LHFPL3: variants seen among roughly 807,000 people sequenced by gnomAD.
The protein encoded by LHFPL3 is LHFPL tetraspan subfamily member 3 protein.
In LHFPL3, 5 loss-of-function variants were observed where a neutral mutation model predicts 19.3. That is an observed-to-expected ratio of 0.26 (90% CI 0.14 to 0.54). The LOEUF (loss-of-function observed/expected upper bound fraction) is 0.54. LHFPL3 is among the 20% of genes least tolerant of loss of function. The pLI is 0.94. For synonymous variants in LHFPL3, 133 were observed against 126.2 expected (o/e 1.05, Z -0.36); for missense variants, 249 against 307.4 (o/e 0.81, Z 1.42).
In LHFPL3 at chr7:104,329,052, G is replaced by A. The variant is rs1801519422; in HGVS notation, c.273G>A (p.Arg91=). ...GCTTCTCCCGGGAGCTGACCTGCAG[G>A]GGCAGCTTCACGGACTTCTCCACGC... ...GNGFSRELTC[R]GSFTDFSTLP... is the part of the protein sequence containing the mutation. Residue 91 remains arginine (R), a synonymous_variant, in exon 1 of 3, where the codon AGG becomes AGA. Transcript: ENST00000424859. 2 of 1,614,016 alleles carry A rather than the reference G, an allele frequency of 1.2e-6. No individual in the cohort carries two copies. The highest frequency in any genetic ancestry group is 1.7e-6 in the Non-Finnish European group (2 of 1,179,900).
At chr7:104,490,310 C>T (rs748905871) in intron 1 of LHFPL3, among the ~76,000 whole-genome samples, 6 of 152,166 alleles carry the variant, frequency 3.9e-5, no homozygotes, top group Non-Finnish European at 8.8e-5. Flanking sequence ...TTTCACTCCT[C>T]TTCTACTGAG....
At chr7:104,443,076 T>C (rs1448027536) in intron 1 of LHFPL3, among the ~76,000 whole-genome samples, 1 of 152,204 alleles carries the variant, frequency 6.6e-6, no homozygotes, top group African/African-American at 2.4e-5. Flanking sequence ...CTGGTAATCA[T>C]GTCAGGACCC....
chr7:104,437,070 A>G (rs780908707), intron 1 of LHFPL3, among the ~76,000 whole-genome samples: 2 of 152,220 alleles, frequency 1.3e-5, no homozygotes, highest in Non-Finnish European at 2.9e-5. Context: ...AGTAGCTACT[A>G]TGTGCATATT....
chr7:104,449,524 C>T (rs545862745), intron 1 of LHFPL3, among the ~76,000 whole-genome samples: 1 of 152,318 alleles, frequency 6.6e-6, no homozygotes, highest in South Asian at 2.1e-4. Context: ...CCACAAACCA[C>T]ATCAGTCCCT....
intron 1 of LHFPL3, among the ~76,000 whole-genome samples, chr7:104,476,911 G>T (rs1185513542): frequency 1.3e-5 from 2 of 152,182 alleles, no homozygotes; most frequent in African/African-American, 4.8e-5. Context: ...GGCAGGAAAG[G>T]GATCATTTGA....
chr7:104,656,944 C>T (rs1234514488), intron 1 of LHFPL3, among the ~76,000 whole-genome samples: 1 of 152,146 alleles, frequency 6.6e-6, no homozygotes, highest in Non-Finnish European at 1.5e-5. Flanking sequence ...TTTGGTTGTT[C>T]ACAAGCCCAC....
At chr7:104,417,613 C>T (rs1246183197) in intron 1 of LHFPL3, among the ~76,000 whole-genome samples, 1 of 152,076 alleles carries the variant, frequency 6.6e-6, no homozygotes, top group Middle Eastern at 3.2e-3. Context: ...CATTAATTTG[C>T]TGCCATTGTT....
intron 1 of LHFPL3, among the ~76,000 whole-genome samples, chr7:104,462,806 A>G (rs190651073): frequency 2.9e-3 from 439 of 152,270 alleles, no homozygotes; most frequent in South Asian, 0.017. Flanking sequence ...CATAGCTTCA[A>G]TGGAATGGTG....
chr7:104,647,649 G>A (rs117267426), intron 1 of LHFPL3, among the ~76,000 whole-genome samples: 3,075 of 152,288 alleles, frequency 0.02, 55 homozygotes, highest in Non-Finnish European at 0.029. Flanking sequence ...TTTTTCTCGT[G>A]TTAAATTCTT....
intron 1 of LHFPL3, among the ~76,000 whole-genome samples, chr7:104,393,560 A>G (rs1402827833): frequency 6.6e-6 from 1 of 152,084 alleles, no homozygotes; most frequent in Non-Finnish European, 1.5e-5. Flanking sequence ...TACTAAAAAT[A>G]CAAAAATTAG....
At chr7:104,531,379 T>C (rs796748131) in intron 1 of LHFPL3, among the ~76,000 whole-genome samples, 14 of 152,294 alleles carry the variant, frequency 9.2e-5, no homozygotes, top group African/African-American at 2.4e-4. Flanking sequence ...AGGACCGGTG[T>C]GTCTGAACTG....
intron 1 of LHFPL3, among the ~76,000 whole-genome samples, chr7:104,420,258 G>C (rs73403890): frequency 0.062 from 9,487 of 152,230 alleles, 1,014 homozygotes; most frequent in African/African-American, 0.22. Flanking sequence ...GTGGAGACCC[G>C]CCTACTGGCA....
chr7:104,415,005 G>A (rs1214571280), intron 1 of LHFPL3, among the ~76,000 whole-genome samples: 3 of 152,152 alleles, frequency 2.0e-5, no homozygotes, highest in Non-Finnish European at 4.4e-5. Context: ...TCGGGTAAAT[G>A]TTAACTCTGA....
intron 2 of LHFPL3, among the ~76,000 whole-genome samples, chr7:104,802,145 T>C (rs1039291118): frequency 1.3e-5 from 2 of 152,040 alleles, no homozygotes; most frequent in Admixed American, 6.6e-5. Context: ...TGATAGAATA[T>C]AGGAGGTGAT....
chr7:104,846,743 C>T (rs551549697), intron 2 of LHFPL3, among the ~76,000 whole-genome samples: 29 of 152,264 alleles, frequency 1.9e-4, no homozygotes, highest in African/African-American at 7.0e-4. Flanking sequence ...GGCTACATCC[C>T]GAAAAGGACC....
At chr7:104,405,715 T>G (rs1791400255) in intron 1 of LHFPL3, among the ~76,000 whole-genome samples, 1 of 152,200 alleles carries the variant, frequency 6.6e-6, no homozygotes, top group Admixed American at 6.5e-5. Flanking sequence ...ACCATTATCT[T>G]CTTGGCAACA....
intron 1 of LHFPL3, among the ~76,000 whole-genome samples, chr7:104,396,279 C>G (rs528682974): frequency 6.6e-6 from 1 of 152,240 alleles, no homozygotes; most frequent in East Asian, 1.9e-4. Context: ...TTGCTAAAGA[C>G]TCGCTGCTAC....
At chr7:104,391,937 T>C (rs113761381) in intron 1 of LHFPL3, among the ~76,000 whole-genome samples, 66,423 of 151,948 alleles carry the variant, frequency 0.44, 14,808 homozygotes, top group Admixed American at 0.56. Context: ...ATTTTATTCT[T>C]TTTGAAGCAA....
intron 1 of LHFPL3, among the ~76,000 whole-genome samples, chr7:104,340,849 T>C (rs1316795534): frequency 6.6e-6 from 1 of 152,196 alleles, no homozygotes. Flanking sequence ...ATAATAGGAA[T>C]GTATTTTGGA....
Sources: gnomAD v4.1 joint callset for allele counts (sites outside exome capture counted in the v4.1 genomes callset) on GRCh38, gnomAD v4.1.1 for gene constraint, MANE v1.5 for transcripts, NCBI Gene and HGNC (gene_info 2026-07-23, HGNC 2026-07-21) for gene names.